KHDRBS2: variants seen among roughly 807,000 people sequenced by gnomAD.
KHDRBS2 encodes the protein KH RNA binding domain containing, signal transduction associated 2, also known as KH domain-containing, RNA-binding, signal transduction-associated protein 2.
Under a neutral mutation model 44.3 loss-of-function variants are expected in KHDRBS2, and 26 were observed. The ratio of observed to expected loss-of-function variants is 0.59; its 90% CI spans 0.43 to 0.81. The LOEUF is 0.81. Ranked by LOEUF, KHDRBS2 falls within the 40% of genes least tolerant of loss-of-function variation. KHDRBS2 has a pLI of 0.00. For synonymous variants in KHDRBS2, 194 were observed against 151.1 expected (o/e 1.28, Z -2.08); for missense variants, 476 against 433.1 (o/e 1.10, Z -0.88).
the KHDRBS2 span, among the ~76,000 whole-genome samples, chr6:61,571,096 C>G: frequency 6.6e-6 from 1 of 151,802 alleles, no homozygotes; most frequent in African/African-American, 2.4e-5. Context: ...TATAAATGGC[C>G]TAAATGAGCC....
the KHDRBS2 span, among the ~76,000 whole-genome samples, chr6:61,657,765 A>C: frequency 6.6e-6 from 1 of 151,948 alleles, no homozygotes; most frequent in Non-Finnish European, 1.5e-5. Flanking sequence ...CTGCTGTTAA[A>C]AAGGAGCTCT....
At chr6:61,693,491 C>T (rs1351643325) in intron 8 of KHDRBS2, among the ~76,000 whole-genome samples, 1 of 152,068 alleles carries the variant, frequency 6.6e-6, no homozygotes, top group Non-Finnish European at 1.5e-5. Flanking sequence ...GAATCTAGAG[C>T]AAGTACTTTA....
chr6:62,000,327 T>A (rs1740322061), intron 3 of KHDRBS2, among the ~76,000 whole-genome samples: 1 of 152,230 alleles, frequency 6.6e-6, no homozygotes, highest in African/African-American at 2.4e-5. Context: ...TTTTTTTTCC[T>A]GCTAAACTCA....
intron 6 of KHDRBS2, among the ~76,000 whole-genome samples, chr6:61,879,224 G>T (rs1337103700): frequency 6.6e-6 from 1 of 151,914 alleles, no homozygotes; most frequent in Non-Finnish European, 1.5e-5. Context: ...TAGTTTAATG[G>T]GATTTCCAGC....
intron 2 of KHDRBS2, among the ~76,000 whole-genome samples, chr6:62,154,470 GTAATA>G (rs1474360175): frequency 6.6e-6 from 1 of 151,986 alleles, no homozygotes; most frequent in African/African-American, 2.4e-5. Flanking sequence ...AAAATAGTAA[GTAATA>G]TAAGACCTGG....
At chr6:61,660,347 A>G in the KHDRBS2 span, among the ~76,000 whole-genome samples, 3 of 151,790 alleles carry the variant, frequency 2.0e-5, no homozygotes, top group Admixed American at 6.6e-5. Flanking sequence ...CAATGTTTCT[A>G]TAGTATCCAT....
intron 2 of KHDRBS2, among the ~76,000 whole-genome samples, chr6:62,176,929 T>G (rs1821209662): frequency 6.6e-6 from 1 of 151,354 alleles, no homozygotes; most frequent in Admixed American, 6.6e-5. Flanking sequence ...ATCATTTATA[T>G]TTTGAATAAA....
intron 2 of KHDRBS2, among the ~76,000 whole-genome samples, chr6:62,062,212 A>C (rs1562758743): frequency 1.3e-5 from 2 of 149,358 alleles, no homozygotes; most frequent in Non-Finnish European, 3.0e-5. Flanking sequence ...AACATTAGAC[A>C]GATCAACGAG....
At chr6:61,885,656 C>A (rs1800836570) in intron 6 of KHDRBS2, among the ~76,000 whole-genome samples, 1 of 152,142 alleles carries the variant, frequency 6.6e-6, no homozygotes, top group Admixed American at 6.6e-5. Flanking sequence ...ACTAACTATT[C>A]TTCACAGATA....
chr6:62,070,490 T>A (rs1000963778), intron 2 of KHDRBS2, among the ~76,000 whole-genome samples: 4 of 148,076 alleles, frequency 2.7e-5, no homozygotes, highest in Admixed American at 1.3e-4. Context: ...CCCTCCCCCC[T>A]CCTCCCACCC....
At chr6:62,252,198 C>T (rs1836664644) in intron 1 of KHDRBS2, among the ~76,000 whole-genome samples, 1 of 151,732 alleles carries the variant, frequency 6.6e-6, no homozygotes, top group African/African-American at 2.4e-5. Context: ...ATTATCAGTA[C>T]TAGATTTACT....
intron 1 of KHDRBS2, among the ~76,000 whole-genome samples, chr6:62,212,902 G>C (rs1483929350): frequency 6.6e-6 from 1 of 151,978 alleles, no homozygotes; most frequent in East Asian, 1.9e-4. Flanking sequence ...GAGAGGGAAG[G>C]GGGTGCATAA....
chr6:62,201,159 C>T (rs1408081955), intron 1 of KHDRBS2, among the ~76,000 whole-genome samples: 2 of 151,936 alleles, frequency 1.3e-5, no homozygotes, highest in Non-Finnish European at 2.9e-5. Context: ...GGGTGCAGCA[C>T]ACCAACATGG....
intron 2 of KHDRBS2, among the ~76,000 whole-genome samples, chr6:62,174,356 T>C (rs1166461831): frequency 1.3e-5 from 2 of 151,278 alleles, no homozygotes; most frequent in Non-Finnish European, 3.0e-5. Context: ...AGGTGAAAGA[T>C]CTCTATAATG....
intron 6 of KHDRBS2, among the ~76,000 whole-genome samples, chr6:61,800,592 G>A (rs1786097850): frequency 6.6e-6 from 1 of 151,984 alleles, no homozygotes; most frequent in Non-Finnish European, 1.5e-5. Flanking sequence ...TTGTTTTTAG[G>A]ATCTTCCTGA....
At chr6:61,910,073 A>G (rs2127350335) in intron 4 of KHDRBS2, among the ~76,000 whole-genome samples, 1 of 152,328 alleles carries the variant, frequency 6.6e-6, no homozygotes, top group Admixed American at 6.5e-5. Context: ...CTCAGCTCCT[A>G]CAAACAGATT....
At chr6:62,005,797 A>C (rs1288466844) in intron 3 of KHDRBS2, among the ~76,000 whole-genome samples, 1 of 151,960 alleles carries the variant, frequency 6.6e-6, no homozygotes, top group Non-Finnish European at 1.5e-5. Context: ...ATGATAAAGC[A>C]GATATCAAAA....
rs62423528 is a variant in KHDRBS2 at position 61,687,958 on chromosome 6, G to A, written c.953-6898C>T. ...TTCAAACTTCTTGGTGGTAGTGGTG[G>A]TGTTTTCAAATTGCCTATTCAGTTC... is the stretch of plus-strand genomic sequence containing the variant. On this transcript the variant is annotated intron_variant, in intron 8 of 8. Coordinates refer to ENST00000281156, the MANE Select transcript of KHDRBS2 (RefSeq NM_152688.4). Among the ~76,000 whole-genome samples, 977 of 151,804 alleles carry A rather than the reference G, an allele frequency of 6.4e-3. 7 individuals are homozygous for A. The highest frequency in any genetic ancestry group is 0.02 in the Middle Eastern group (6 of 294).
Position 61,825,778 on chromosome 6 carries a change from C to T in KHDRBS2, c.810+68857G>A, listed in dbSNP as rs776706028. On this transcript the variant is annotated intron_variant, in intron 6 of 8. Coordinates refer to ENST00000281156, the MANE Select transcript of KHDRBS2 (RefSeq NM_152688.4). ...TGTTGTCTATGTGGGCTAGGGAAAG[C>T]GACTTTACCTCTTTGAGTCTTGGTG... is the stretch of plus-strand genomic sequence containing the variant. 4.6e-5 allele frequency among the ~76,000 whole-genome samples: 7 copies of T among 152,034 alleles called. 1 individual carries two copies. Among genetic ancestry groups the T allele is most frequent in the Admixed American group, 4.6e-4 (7 of 15,254 alleles).
Sources: allele counts gnomAD v4.1 joint callset (sites outside exome capture counted in the v4.1 genomes callset), GRCh38; gene constraint gnomAD v4.1.1; transcripts MANE v1.5; gene names NCBI Gene and HGNC (gene_info 2026-07-23, HGNC 2026-07-21).